The following TEK variants were observed in gnomAD, a reference collection of about 807,000 sequenced individuals.
The protein encoded by TEK is angiopoietin-1 receptor.
A neutral mutation model predicts 131.8 loss-of-function variants in TEK; 43 were observed. The ratio of observed to expected loss-of-function variants is 0.33; its 90% CI spans 0.26 to 0.42. The LOEUF is 0.42. Among genes scored for constraint, TEK ranks in the 10% least tolerant of loss-of-function variants. TEK has a pLI of 1.00. For missense variants in TEK, 1,162 were observed against 1,384.4 expected (o/e 0.84, Z 2.55); for synonymous variants, 580 against 491.6 (o/e 1.18, Z -2.38).
intron 5 of TEK, 144 bp downstream of exon 5, chr9:27,172,891 A>G (rs1684948767): frequency 2.5e-6 from 3 of 1,190,042 alleles, no homozygotes; most frequent in Admixed American, 2.1e-5. Flanking sequence ...AATTAGAAAA[A>G]GGTGCCTTTT....
intron 1 of TEK, among the ~76,000 whole-genome samples, chr9:27,141,606 G>C (rs1338312769): frequency 6.6e-6 from 1 of 152,024 alleles, no homozygotes; most frequent in Non-Finnish European, 1.5e-5. Flanking sequence ...GGCCTTTATG[G>C]TTACTAGATG....
chr9:27,214,364 G>A (rs1039849034), intron 18 of TEK, among the ~76,000 whole-genome samples: 1 of 152,204 alleles, frequency 6.6e-6, no homozygotes, highest in Non-Finnish European at 1.5e-5. Flanking sequence ...GTGTCTGGCA[G>A]ATCTACTCTG....
chr9:27,167,825 T>TC (rs1430137012), intron 2 of TEK, among the ~76,000 whole-genome samples: 11 of 151,920 alleles, frequency 7.2e-5, no homozygotes, highest in African/African-American at 2.7e-4. Flanking sequence ...AAATTTTTTT[T>TC]CTCTTTCACT....
intron 6 of TEK, 151 bp downstream of exon 6, chr9:27,173,513 CA>C: frequency 2.8e-5 from 27 of 948,880 alleles, no homozygotes; most frequent in Non-Finnish European, 4.3e-5. Context: ...TGTTTACATC[CA>C]ATGTTAATTA....
chr9:27,155,934 C>T (rs1387883892), intron 1 of TEK, among the ~76,000 whole-genome samples: 1 of 151,762 alleles, frequency 6.6e-6, no homozygotes, highest in African/African-American at 2.4e-5. Context: ...TCCCGAGTAG[C>T]TGGGATTACA....
chr9:27,145,926 T>G (rs1169470896), intron 1 of TEK, among the ~76,000 whole-genome samples: 2 of 152,198 alleles, frequency 1.3e-5, no homozygotes, highest in African/African-American at 4.8e-5. Flanking sequence ...AATACAAAAC[T>G]AAGCATGCAA....
At chr9:27,193,390 C>T (rs978548476) in intron 11 of TEK, among the ~76,000 whole-genome samples, 4 of 152,078 alleles carry the variant, frequency 2.6e-5, no homozygotes, top group African/African-American at 9.7e-5. Context: ...CTAGTAGGTT[C>T]CCAAGTGATG....
intron 1 of TEK, among the ~76,000 whole-genome samples, chr9:27,135,292 C>A (rs572437525): frequency 3.8e-4 from 57 of 151,798 alleles, no homozygotes; most frequent in Non-Finnish European, 4.0e-4. Flanking sequence ...CATTAGCCCA[C>A]CCTTAGACCT....
chr9:27,190,415 A>T, intron 9 of TEK, 114 bp from the exon 10 acceptor site: 1 of 1,331,630 alleles, frequency 7.5e-7, no homozygotes, highest in Non-Finnish European at 1.1e-6. Context: ...GTCTGAGCAG[A>T]AAACTTTAAG....
At chr9:27,210,082 T>C (rs1344008612) in intron 16 of TEK, among the ~76,000 whole-genome samples, 1 of 152,196 alleles carries the variant, frequency 6.6e-6, no homozygotes, top group Non-Finnish European at 1.5e-5. Context: ...TTTCCTCAAT[T>C]TATTAAACTA....
intron 18 of TEK, 96 bp downstream of exon 18, chr9:27,213,693 G>A: frequency 1.1e-6 from 1 of 906,546 alleles, no homozygotes; most frequent in Non-Finnish European, 1.8e-6. Context: ...TGTGGTGACT[G>A]AAGCATCTGA....
At chr9:27,175,076 T>G (rs1824112203) in intron 6 of TEK, among the ~76,000 whole-genome samples, 2 of 149,976 alleles carry the variant, frequency 1.3e-5, no homozygotes, top group African/African-American at 4.9e-5. Flanking sequence ...CATGCTGGTG[T>G]GCTGCACCCA....
chr9:27,225,209 T>C (rs1826266335), intron 21 of TEK, among the ~76,000 whole-genome samples: 1 of 152,178 alleles, frequency 6.6e-6, no homozygotes, highest in African/African-American at 2.4e-5. Context: ...AAGCTACCAT[T>C]GACTTTCTTC....
At chr9:27,192,841 C>G (rs953780281) in intron 11 of TEK, among the ~76,000 whole-genome samples, 2 of 152,120 alleles carry the variant, frequency 1.3e-5, no homozygotes, top group Admixed American at 1.3e-4. Flanking sequence ...GTCTGTCTCC[C>G]TGGGGGAGGA....
chr9:27,172,579 G>A (rs370982135), intron 4 of TEK, 37 bp from the exon 5 acceptor site: 18 of 1,611,678 alleles, frequency 1.1e-5, no homozygotes, highest in African/African-American at 4.0e-5. Flanking sequence ...GAGCGAATGC[G>A]CTCTACTCAC....
intron 20 of TEK, among the ~76,000 whole-genome samples, 153 bp from the exon 21 acceptor site, chr9:27,219,896 G>A (rs942354997): frequency 6.6e-6 from 1 of 152,126 alleles, no homozygotes; most frequent in Non-Finnish European, 1.5e-5. Context: ...CAGCTTTGAT[G>A]TGCAGTGAGT....
intron 1 of TEK, among the ~76,000 whole-genome samples, chr9:27,135,036 C>G (rs2131069513): frequency 6.6e-6 from 1 of 152,162 alleles, no homozygotes; most frequent in East Asian, 1.9e-4. Flanking sequence ...ACCAGCCTGC[C>G]CAACATGGAG....
intron 1 of TEK, among the ~76,000 whole-genome samples, chr9:27,153,361 A>G (rs1823203910): frequency 6.6e-6 from 1 of 152,186 alleles, no homozygotes; most frequent in Non-Finnish European, 1.5e-5. Context: ...GAGGCAGGAG[A>G]TTCTTTTGAA....
chr9:27,157,618 A>T (rs1225202071), intron 1 of TEK, among the ~76,000 whole-genome samples: 1 of 152,300 alleles, frequency 6.6e-6, no homozygotes, highest in East Asian at 1.9e-4. Flanking sequence ...GCAGTGGGGC[A>T]GGAGAGGTTA....
Sources: allele counts gnomAD v4.1 joint callset (sites outside exome capture counted in the v4.1 genomes callset), GRCh38; gene constraint gnomAD v4.1.1; transcripts MANE v1.5; gene names NCBI Gene and HGNC (gene_info 2026-07-23, HGNC 2026-07-21).